Variants in IMMP2L observed in about 807,000 individuals in gnomAD.
IMMP2L encodes mitochondrial inner membrane protease subunit 2.
Under a neutral mutation model 19.3 loss-of-function variants are expected in IMMP2L, and 18 were observed. That is an observed-to-expected ratio of 0.93 (90% confidence interval 0.64 to 1.38). The LOEUF (loss-of-function observed/expected upper bound fraction) is 1.38, where lower values mean the gene tolerates loss of function less well. Ranked by LOEUF, IMMP2L falls within the 40% of genes most tolerant of loss-of-function variation. The pLI is 0.00. For missense variants in IMMP2L, 233 were observed against 218.2 expected, an observed-to-expected ratio of 1.07 and a Z score of -0.43; for synonymous variants, 76 against 73.0, an observed-to-expected ratio of 1.04 and a Z score of -0.21.
intron 5 of IMMP2L, among the ~76,000 whole-genome samples, chr7:110,871,496 T>A (rs1395061619): frequency 6.6e-6 from 1 of 152,070 alleles, no homozygotes. Context: ...CAACATATTT[T>A]AAAAAGGAAG....
At chr7:111,220,952 T>C (rs1195311502) in intron 3 of IMMP2L, among the ~76,000 whole-genome samples, 2 of 152,030 alleles carry the variant, frequency 1.3e-5, no homozygotes, top group African/African-American at 4.8e-5. Flanking sequence ...TTGGATGATG[T>C]CCACCCACAT....
At chr7:110,973,531 T>C (rs1820371909) in intron 3 of IMMP2L, among the ~76,000 whole-genome samples, 1 of 152,116 alleles carries the variant, frequency 6.6e-6, no homozygotes, top group African/African-American at 2.4e-5. Context: ...AGTGAGTATG[T>C]TGAGGCTATA....
At position 110,963,579 on chromosome 7, in the gene IMMP2L, A is replaced by G. The variant is rs200443163; in HGVS notation, c.240-14T>C. 1,027 of 1,497,146 alleles carry G rather than the reference A, an allele frequency of 6.9e-4. 6 individuals carry two copies. Among genetic ancestry groups the G allele is most frequent in the Middle Eastern group, 6.1e-3 (33 of 5,386 alleles). The allele number at this position is 1,497,146 out of a possible 1,614,324, so 92.7% of individuals were successfully genotyped here. The stretch of plus-strand genomic sequence containing the variant: ...TTTTTAGGAGACCTAGAACAAGAAG[A>G]TAACATTATACAATCAGTTATGTCT... On this transcript the variant is annotated splice_polypyrimidine_tract_variant and intron_variant, in intron 3 of 5. Transcript: ENST00000405709.
chr7:110,988,853 A>AC (rs1478265835), intron 3 of IMMP2L, among the ~76,000 whole-genome samples: 1 of 152,200 alleles, frequency 6.6e-6, no homozygotes, highest in African/African-American at 2.4e-5. Flanking sequence ...TATTTAAGAC[A>AC]CATAAATATA....
chr7:111,431,789 G>A (rs1836657613), intron 3 of IMMP2L, among the ~76,000 whole-genome samples: 2 of 151,434 alleles, frequency 1.3e-5, no homozygotes, highest in African/African-American at 2.4e-5. Context: ...CAGAAGTAAT[G>A]GCTTTTGTTG....
intron 2 of IMMP2L, among the ~76,000 whole-genome samples, chr7:111,516,805 G>A (rs904968846): frequency 6.6e-5 from 10 of 152,092 alleles, no homozygotes; most frequent in Non-Finnish European, 1.3e-4. Context: ...CAGAAAGCAC[G>A]CAAGTAAGCC....
intron 3 of IMMP2L, among the ~76,000 whole-genome samples, chr7:111,008,778 AG>A (rs1320993976): frequency 1.3e-5 from 2 of 152,078 alleles, no homozygotes; most frequent in African/African-American, 4.8e-5. Flanking sequence ...ATGAGTAGTG[AG>A]GGGGAAGTAA....
At chr7:111,136,629 C>G (rs777742580) in intron 3 of IMMP2L, among the ~76,000 whole-genome samples, 6 of 152,100 alleles carry the variant, frequency 3.9e-5, no homozygotes, top group Non-Finnish European at 1.5e-5. Context: ...GGATGCAGTC[C>G]TCCAGGTGTG....
intron 3 of IMMP2L, among the ~76,000 whole-genome samples, chr7:111,468,257 C>T (rs188148873): frequency 3.9e-5 from 6 of 152,096 alleles, no homozygotes; most frequent in East Asian, 3.9e-4. Context: ...AACATACATC[C>T]CTCATTGTTA....
intron 5 of IMMP2L, among the ~76,000 whole-genome samples, chr7:110,873,739 AC>A (rs1808777514): frequency 6.6e-6 from 1 of 150,622 alleles, no homozygotes; most frequent in South Asian, 2.1e-4. Context: ...GTGCCATTGC[AC>A]CCCAGCAATG....
chr7:110,989,373 CA>C (rs1194303945), intron 3 of IMMP2L, among the ~76,000 whole-genome samples: 1 of 151,352 alleles, frequency 6.6e-6, no homozygotes, highest in Admixed American at 6.6e-5. Context: ...CCCACTTCTA[CA>C]AAAAAATTTT....
chr7:110,875,533 C>T (rs1338975721), intron 5 of IMMP2L, among the ~76,000 whole-genome samples: 3 of 152,050 alleles, frequency 2.0e-5, no homozygotes, highest in Non-Finnish European at 4.4e-5. Flanking sequence ...TTTATAATCT[C>T]ATTAGGTTTT....
chr7:111,133,402 T>C (rs1463855511), intron 3 of IMMP2L, among the ~76,000 whole-genome samples: 5 of 151,882 alleles, frequency 3.3e-5, no homozygotes, highest in Non-Finnish European at 5.9e-5. Flanking sequence ...ATATCCCAAT[T>C]AGAGGGCAGA....
At chr7:111,554,609 TTTTTA>T (rs1185811517) in intron 1 of IMMP2L, among the ~76,000 whole-genome samples, 5 of 151,944 alleles carry the variant, frequency 3.3e-5, no homozygotes, top group East Asian at 3.9e-4. Flanking sequence ...CATTGCTTTA[TTTTTA>T]TTTTATTATT....
intron 5 of IMMP2L, among the ~76,000 whole-genome samples, chr7:110,706,157 C>T (rs995679848): frequency 1.3e-5 from 2 of 152,086 alleles, no homozygotes; most frequent in Admixed American, 1.3e-4. Flanking sequence ...AGCTGGAGTG[C>T]AGTGGTGCAA....
intron 3 of IMMP2L, among the ~76,000 whole-genome samples, chr7:111,482,345 T>C (rs1236275005): frequency 2.0e-5 from 3 of 152,158 alleles, no homozygotes; most frequent in Admixed American, 2.0e-4. Flanking sequence ...GCACAATGCT[T>C]ACTTACAGGC....
intron 3 of IMMP2L, among the ~76,000 whole-genome samples, chr7:110,964,367 T>C (rs1354738197): frequency 6.6e-6 from 1 of 151,954 alleles, no homozygotes; most frequent in Non-Finnish European, 1.5e-5. Flanking sequence ...TTAAATCCCA[T>C]AAAAACAATG....
At chr7:111,064,322 G>A (rs959988663) in intron 3 of IMMP2L, among the ~76,000 whole-genome samples, 2 of 152,108 alleles carry the variant, frequency 1.3e-5, no homozygotes, top group African/African-American at 2.4e-5. Context: ...ATGAGATTTG[G>A]GTGAGGACAC....
rs188060804 is a variant in IMMP2L at position 111,433,773 on chromosome 7, A to G, written c.239+53465T>C. ...ATCTCTTTAAGAAGAACTACAAAAT[A>G]CTGATGAAAGAAAGTGTAGATGACA... On this transcript the variant is annotated intron_variant, in intron 3 of 5. Transcript: ENST00000405709. Among the ~76,000 whole-genome samples, 64 of 151,920 alleles carry G rather than the reference A, an allele frequency of 4.2e-4. No individual in the cohort carries two copies. In the East Asian group the frequency reaches 8.3e-3, roughly 20 times the overall value.
Sources: allele counts gnomAD v4.1 joint callset (sites outside exome capture counted in the v4.1 genomes callset), GRCh38; gene constraint gnomAD v4.1.1; transcripts MANE v1.5; gene names NCBI Gene and HGNC (gene_info 2026-07-23, HGNC 2026-07-21).